The following WDR33 variants were observed in gnomAD, a reference collection of about 807,000 sequenced individuals.
The protein encoded by WDR33 is WD repeat domain 33, also known as pre-mRNA 3' end processing protein WDR33.
A neutral mutation model predicts 164.9 loss-of-function variants in WDR33; 47 were observed. The ratio of observed to expected loss-of-function variants is 0.29; its 90% confidence interval spans 0.23 to 0.36. WDR33 has a LOEUF of 0.36. Ranked by LOEUF, WDR33 falls within the 10% of genes least tolerant of loss-of-function variation. WDR33 has a pLI of 1.00. For missense variants in WDR33, 1,137 were observed against 1,754.1 expected, an observed-to-expected ratio of 0.65 and a Z score of 6.28; for synonymous variants, 505 against 589.0, an observed-to-expected ratio of 0.86 and a Z score of 2.06.
intron 1 of WDR33, among the ~76,000 whole-genome samples, chr2:127,797,770 G>A (rs189292190): frequency 3.9e-4 from 60 of 152,182 alleles, no homozygotes; most frequent in African/African-American, 9.4e-4. Context: ...CCAACACTTC[G>A]GGAGGCTGAG....
At chr2:127,781,930 G>C (rs1357904026) in intron 1 of WDR33, among the ~76,000 whole-genome samples, 1 of 150,138 alleles carries the variant, frequency 6.7e-6, no homozygotes, top group African/African-American at 2.5e-5. Flanking sequence ...CCCGGGAGGT[G>C]GAGGTTGCGG....
At position 127,701,848 on chromosome 2, in the gene WDR33, A is replaced by G. The variant is rs1045202832; in HGVS notation, c.*4475T>C. ...CCGGTGTTGCTGCTGCGCGCGCGCA[A>G]GTTCGCGCTGCTCTGGTCACTGGGC... is the stretch of plus-strand genomic sequence containing the variant. On this transcript the variant is annotated 3_prime_UTR_variant, in exon 22 of 22. Coordinates refer to ENST00000322313, the MANE Select transcript of WDR33 (RefSeq NM_018383.5). The G allele has an allele frequency of 1.2e-5, 18 of 1,459,574 alleles. No individual in the cohort carries two copies. Among genetic ancestry groups the G allele is most frequent in the South Asian group, 2.6e-5 (2 of 77,786 alleles). 90.4% of individuals were successfully genotyped at this position (1,459,574 alleles called of 1,614,324 possible).
intron 1 of WDR33, among the ~76,000 whole-genome samples, chr2:127,779,910 T>C (rs1688311610): frequency 6.6e-6 from 1 of 152,154 alleles, no homozygotes; most frequent in South Asian, 2.1e-4. Context: ...AAAAGCAAAT[T>C]ATTGATGCAT....
chr2:127,702,308 C>T lies in WDR33; in HGVS notation c.*4015G>A. 1.0e-6 allele frequency: 1 copy of T among 969,996 alleles called. No individual in the cohort carries two copies. The highest frequency in any genetic ancestry group is 1.3e-6 in the Non-Finnish European group (1 of 760,352). 60.1% of individuals were successfully genotyped at this position (969,996 alleles called of 1,614,324 possible). A position where few individuals can be genotyped will look rare whatever the true frequency, so the allele number is the denominator to read the frequency against. On this transcript the variant is annotated 3_prime_UTR_variant, in exon 22 of 22. Coordinates refer to ENST00000322313, the MANE Select transcript of WDR33 (RefSeq NM_018383.5). Reference sequence around the variant, plus strand: ...GGCCCTGCCCTAACAGCCTGCGAGTCTAATCCGGGAGCGGCTGCTGCCAGC... The same window carrying T: ...GGCCCTGCCCTAACAGCCTGCGAGTTTAATCCGGGAGCGGCTGCTGCCAGC...
chr2:127,792,969 CAT>C (rs1688894101), intron 1 of WDR33, among the ~76,000 whole-genome samples: 1 of 152,062 alleles, frequency 6.6e-6, no homozygotes, highest in Admixed American at 6.6e-5. Context: ...ACGTCAGAAA[CAT>C]TACCACAGAT....
At chr2:127,750,448 ACCAGCCTGG>A (rs995547040) in intron 7 of WDR33, among the ~76,000 whole-genome samples, 14 of 151,094 alleles carry the variant, frequency 9.3e-5, no homozygotes, top group African/African-American at 3.4e-4. Context: ...GGAGCTCGAG[ACCAGCCTGG>A]GCAACATGGT....
intron 1 of WDR33, among the ~76,000 whole-genome samples, chr2:127,783,235 G>A (rs2105464037): frequency 6.6e-6 from 1 of 152,276 alleles, no homozygotes; most frequent in Non-Finnish European, 1.5e-5. Flanking sequence ...ACCTGATACT[G>A]TACTGGGCAT....
chr2:127,736,296 C>G (rs1439538036), intron 7 of WDR33: 1 of 985,322 alleles, frequency 1.0e-6, no homozygotes, highest in Non-Finnish European at 1.2e-6. Flanking sequence ...GAAGAGGAGA[C>G]TGGGGAAGGG....
intron 7 of WDR33, among the ~76,000 whole-genome samples, chr2:127,732,499 T>C (rs1686737370): frequency 6.6e-6 from 1 of 152,106 alleles, no homozygotes; most frequent in Non-Finnish European, 1.5e-5. Flanking sequence ...TTTTTTAATT[T>C]TTTGTAGAGA....
chr2:127,758,575 G>A (rs914781048), intron 7 of WDR33, among the ~76,000 whole-genome samples: 1 of 152,126 alleles, frequency 6.6e-6, no homozygotes, highest in African/African-American at 2.4e-5. Flanking sequence ...AATCAAGAAG[G>A]TAAAACAAAA....
intron 7 of WDR33, among the ~76,000 whole-genome samples, chr2:127,744,449 A>T (rs1259127935): frequency 6.6e-6 from 1 of 152,214 alleles, no homozygotes; most frequent in Non-Finnish European, 1.5e-5. Context: ...AATATACAGT[A>T]TAGTGAGAAA....
chr2:127,759,051 G>A (rs1302532614), intron 7 of WDR33, among the ~76,000 whole-genome samples: 2 of 151,956 alleles, frequency 1.3e-5, no homozygotes, highest in Non-Finnish European at 2.9e-5. Context: ...GGAAGCTAGG[G>A]GAAATTTCTT....
intron 1 of WDR33, among the ~76,000 whole-genome samples, chr2:127,800,312 A>C (rs1374657249): frequency 6.6e-6 from 1 of 152,132 alleles, no homozygotes; most frequent in Non-Finnish European, 1.5e-5. Context: ...CACCATCAAC[A>C]CTTAACAAAA....
chr2:127,703,129 G>A lies in WDR33; in HGVS notation c.*3194C>T, dbSNP rs756199455. 4 of 167,010 alleles carry A rather than the reference G, an allele frequency of 2.4e-5. No individual in the cohort carries two copies. Among genetic ancestry groups the A allele is most frequent in the African/African-American group, 4.8e-5 (2 of 41,428 alleles). 10.3% of individuals were successfully genotyped at this position (167,010 alleles called of 1,614,324 possible). ...AGGTATGAGCCTAACATTCTGATGA[G>A]TCCAGAAAACTACGTTTTGTCAGTA... On this transcript the variant is annotated 3_prime_UTR_variant, in exon 22 of 22. Transcript: ENST00000322313.
Position 127,702,084 on chromosome 2 carries a change from G to A in WDR33, c.*4239C>T. The A allele has an allele frequency of 8.2e-7, 1 of 1,225,276 alleles. No individual in the cohort carries two copies. The highest frequency in any genetic ancestry group is 1.0e-6 in the Non-Finnish European group (1 of 985,930). 75.9% of individuals were successfully genotyped at this position (1,225,276 alleles called of 1,614,324 possible). ...GGCCGCGCTGCTGGCCGCGCTGGTT[G>A]GGCTGCTGCCCTGGGGCGGCGGCAC... On this transcript the variant is annotated 3_prime_UTR_variant, in exon 22 of 22. Transcript: ENST00000322313.
Position 127,709,359 on chromosome 2 carries a change from C to T in WDR33, c.3565+131G>A, listed in dbSNP as rs752390645. On this transcript the variant is annotated intron_variant, in intron 20 of 21. Transcript: ENST00000322313. This position sits in a 1 kb window ranked among gnomAD's most constrained non-coding sequence, Gnocchi z 5.0. Reference sequence around the variant, plus strand: ...GAGATCAAGTGCTGCGGCTGCAGGACAGGAGACAGCCCAGCCCCCCGGGAG... The same window carrying T: ...GAGATCAAGTGCTGCGGCTGCAGGATAGGAGACAGCCCAGCCCCCCGGGAG... 1.2e-6 allele frequency: 1 copy of T among 823,210 alleles called. No individual in the cohort carries two copies. The highest frequency in any genetic ancestry group is 1.7e-5 in the African/African-American group (1 of 59,300). 51.0% of individuals were successfully genotyped at this position (823,210 alleles called of 1,614,324 possible).
chr2:127,790,699 C>A (rs1688813825), intron 1 of WDR33, among the ~76,000 whole-genome samples: 1 of 152,178 alleles, frequency 6.6e-6, no homozygotes. Context: ...CAGCCTCGAA[C>A]TCCTGGGCTC....
chr2:127,716,079 G>GT lies in WDR33; in HGVS notation c.2869+1075dup, dbSNP rs1184748212. On this transcript the variant is annotated intron_variant, in intron 17 of 21. Coordinates refer to ENST00000322313, the MANE Select transcript of WDR33 (RefSeq NM_018383.5). The surrounding 1 kb of genome is among the most constrained non-coding windows in gnomAD (Gnocchi z 4.5). ...TCAGGGGGTAAAAGACTCTCCTTTT[G>GT]TTTCTCTAGTTCGCTGTGGGCCACG... Among the ~76,000 whole-genome samples the GT allele has an allele frequency of 1.3e-5, 2 of 152,172 alleles. No homozygotes were observed. The highest frequency in any genetic ancestry group is 2.9e-5 in the Non-Finnish European group (2 of 68,032).
At chr2:127,769,984 C>T (rs532108644) in intron 2 of WDR33, among the ~76,000 whole-genome samples, 30 of 152,194 alleles carry the variant, frequency 2.0e-4, no homozygotes, top group Non-Finnish European at 3.7e-4. Flanking sequence ...CTGCAGTAGG[C>T]GTTCAATCCT....
Sources: allele counts gnomAD v4.1 joint callset (sites outside exome capture counted in the v4.1 genomes callset), GRCh38; gene constraint gnomAD v4.1.1; non-coding constraint Gnocchi (gnomAD v3.1); transcripts MANE v1.5; gene names NCBI Gene and HGNC (gene_info 2026-07-23, HGNC 2026-07-21).